The following ANK3 variants were observed in gnomAD, a reference collection of about 807,000 sequenced individuals.
ANK3 encodes ankyrin 3.
In ANK3, 57 loss-of-function variants were observed where a neutral mutation model predicts 370.9. That is an observed-to-expected ratio of 0.15 (90% CI 0.12 to 0.19). ANK3 has a LOEUF of 0.19. Among genes scored for constraint, ANK3 ranks in the 10% least tolerant of loss-of-function variants. The probability of loss-of-function intolerance (pLI) is 1.00; values close to 1 mark genes in which losing one functional copy is unlikely to be tolerated. For synonymous variants in ANK3, 1,929 were observed against 1,946.3 expected, an observed-to-expected ratio of 0.99 and a Z score of 0.23; for missense variants, 4,439 against 5,302.1, an observed-to-expected ratio of 0.84 and a Z score of 5.06.
At position 60,068,966 on chromosome 10, in the gene ANK3, G is replaced by A. The variant is rs1279219897; in HGVS notation, c.11915C>T (p.Thr3972Ile). Residue 3972 changes from threonine (T) to isoleucine (I), a missense_variant, in exon 37 of 44, where the codon ACC becomes ATC. Transcript: ENST00000280772. Reference sequence around the variant, plus strand: ...GCAGCTGGTGGTGGTGGTAGTGGTGGTAGTGGTGGTGGTGGTGGCAGTGGT... The same window carrying A: ...GCAGCTGGTGGTGGTGGTAGTGGTGATAGTGGTGGTGGTGGTGGCAGTGGT... ...TTTTATTTTT[T>I]TTTTTTSCTV... is the part of the protein sequence containing the mutation. 1 of 1,613,746 alleles carries A rather than the reference G, an allele frequency of 6.2e-7. No individual in the cohort carries two copies. Among genetic ancestry groups the A allele is most frequent in the Non-Finnish European group, 8.5e-7 (1 of 1,179,914 alleles).
At chr10:60,312,658 C>G (rs931616234) in intron 1 of ANK3, among the ~76,000 whole-genome samples, 1 of 152,192 alleles carries the variant, frequency 6.6e-6, no homozygotes, top group Non-Finnish European at 1.5e-5. Context: ...CAAAGTCACA[C>G]AGCTTGTTAA....
At chr10:60,464,747 CA>C (rs1203534210) in intron 2 of ANK3, among the ~76,000 whole-genome samples, 1 of 152,120 alleles carries the variant, frequency 6.6e-6, no homozygotes, top group African/African-American at 2.4e-5. Context: ...AATTATAACA[CA>C]AATGTCACTT....
At chr10:60,421,394 G>A (rs2063776084) in intron 2 of ANK3, among the ~76,000 whole-genome samples, 1 of 152,030 alleles carries the variant, frequency 6.6e-6, no homozygotes, top group African/African-American at 2.4e-5. Context: ...AAACGTGGGG[G>A]AGGAAAGGAA....
At chr10:60,094,181 A>AT (rs1169437967) in intron 28 of ANK3, among the ~76,000 whole-genome samples, 6,014 of 116,354 alleles carry the variant, frequency 0.052, 233 homozygotes, top group Non-Finnish European at 0.078. Context: ...ACAGTATTCT[A>AT]TTTTTTTTTT....
chr10:60,623,898 G>T (rs908043851), intron 1 of ANK3, among the ~76,000 whole-genome samples: 2 of 152,116 alleles, frequency 1.3e-5, no homozygotes, highest in East Asian at 1.9e-4. Flanking sequence ...GTGGCTACAT[G>T]GTATCAGGAG....
intron 2 of ANK3, among the ~76,000 whole-genome samples, chr10:60,563,490 A>G (rs892413369): frequency 1.3e-5 from 2 of 152,194 alleles, no homozygotes; most frequent in African/African-American, 2.4e-5. Context: ...AATATTATGA[A>G]CATCCCCAGC....
At chr10:60,451,957 C>A (rs1430675203) in intron 2 of ANK3, among the ~76,000 whole-genome samples, 1 of 152,228 alleles carries the variant, frequency 6.6e-6, no homozygotes, top group Non-Finnish European at 1.5e-5. Context: ...CTTCTAGAAA[C>A]AGAGTGGAGT....
chr10:60,493,910 T>C (rs1440569839), intron 2 of ANK3, among the ~76,000 whole-genome samples: 1 of 152,142 alleles, frequency 6.6e-6, no homozygotes, highest in Non-Finnish European at 1.5e-5. Flanking sequence ...GACACTGTGA[T>C]TGACTGCCCA....
intron 2 of ANK3, among the ~76,000 whole-genome samples, chr10:60,421,440 G>A (rs1405337018): frequency 1.3e-5 from 2 of 152,046 alleles, no homozygotes; most frequent in East Asian, 3.9e-4. Flanking sequence ...GTAAACTAGA[G>A]TGACACAATG....
intron 8 of ANK3, among the ~76,000 whole-genome samples, chr10:60,232,418 T>A (rs1231904178): frequency 6.6e-6 from 1 of 152,178 alleles, no homozygotes; most frequent in African/African-American, 2.4e-5. Context: ...TCTCTACTTT[T>A]TATTCCTTAC....
rs563946588 is a variant in ANK3, at chr10:60,036,422, A to ATTTTTTTTTTTTTTTTTT, written c.*19+6232_*19+6249dup. Among the ~76,000 whole-genome samples the ATTTTTTTTTTTTTTTTTT allele has an allele frequency of 4.8e-4, 35 of 72,292 alleles. 9 individuals are homozygous for ATTTTTTTTTTTTTTTTTT. Among genetic ancestry groups the ATTTTTTTTTTTTTTTTTT allele is most frequent in the African/African-American group, 2.3e-3 (33 of 14,242 alleles). 47.4% of individuals were successfully genotyped at this position (72,292 alleles called of 152,430 possible). On this transcript the variant is annotated intron_variant, in intron 43 of 43. Transcript: ENST00000280772. ...CTGCGGAAGAGAGAGGTCAGAGGCA[A>ATTTTTTTTTTTTTTTTTT]TTTTTTTTTTTTTTTTTTTTTTTTT...
At chr10:60,059,976 G>A (rs779325532) in intron 40 of ANK3, 44 of 1,602,170 alleles carry the variant, frequency 2.7e-5, no homozygotes, top group South Asian at 1.2e-4. Flanking sequence ...CCCTGTGGGG[G>A]TTTCCAGTTC....
intron 43 of ANK3, among the ~76,000 whole-genome samples, chr10:60,030,203 C>A (rs1210658569): frequency 6.6e-6 from 1 of 151,978 alleles, no homozygotes; most frequent in Non-Finnish European, 1.5e-5. Flanking sequence ...AGTGCAGTGG[C>A]CCGAAATTGG....
chr10:60,228,484 A>G (rs1205674916), intron 8 of ANK3, among the ~76,000 whole-genome samples: 1 of 145,172 alleles, frequency 6.9e-6, no homozygotes, highest in Non-Finnish European at 1.5e-5. Flanking sequence ...GTGAGCTGAG[A>G]TTGCGCCACT....
intron 26 of ANK3, among the ~76,000 whole-genome samples, chr10:60,110,224 G>A (rs777319876): frequency 5.3e-5 from 8 of 152,048 alleles, no homozygotes; most frequent in Non-Finnish European, 7.4e-5. Context: ...GCTGGGGACC[G>A]TCTTCTGAAG....
intron 2 of ANK3, among the ~76,000 whole-genome samples, chr10:60,452,008 G>A (rs990413927): frequency 4.6e-5 from 7 of 152,136 alleles, no homozygotes; most frequent in Non-Finnish European, 7.4e-5. Flanking sequence ...GCTCTGTCTC[G>A]CTCTATAAAC....
In ANK3 at chr10:60,028,992, A is replaced by T. The variant is rs1253033181; in HGVS notation, c.*854T>A. 1 of 152,664 alleles carries T rather than the reference A, an allele frequency of 6.6e-6. No individual in the cohort carries two copies. The highest frequency in any genetic ancestry group is 1.5e-5 in the Non-Finnish European group (1 of 68,044). 9.5% of individuals were successfully genotyped at this position (152,664 alleles called of 1,614,324 possible). A position where few individuals can be genotyped will look rare whatever the true frequency, so the allele number is the denominator to read the frequency against. On this transcript the variant is annotated 3_prime_UTR_variant, in exon 44 of 44. Transcript: ENST00000280772. ...TGTAGTGTTTGCAAAATTGGAAAAG[A>T]TTTAATCAAAATAAGGTGATACACA...
At chr10:60,339,480 C>A (rs2053767365) in intron 1 of ANK3, among the ~76,000 whole-genome samples, 1 of 152,158 alleles carries the variant, frequency 6.6e-6, no homozygotes, top group South Asian at 2.1e-4. Flanking sequence ...AAAACAAGGA[C>A]AGGCACTTCA....
rs148635129 is a variant in ANK3 at position 60,070,717 on chromosome 10, G to C, written c.10164C>G (p.Asn3388Lys). Residue 3388 changes from asparagine to lysine, a missense_variant, in exon 37 of 44, where the codon AAC becomes AAG. By Grantham distance (94) the Asn-to-Lys change is moderately conservative. Coordinates refer to ENST00000280772, the MANE Select transcript of ANK3 (RefSeq NM_020987.5). The surrounding 1 kb of genome is among the most constrained non-coding windows in gnomAD (Gnocchi z 5.7). ...TGGAACACTCTGTGATGGACTGGTC[G>C]TTGTTCCCATTCTGGGCAATTTCAT... The part of the protein sequence containing the change: ...PQNEIAQNGN[N>K]DQSITECSIA... The C allele has an allele frequency of 1.2e-6, 2 of 1,614,056 alleles. No homozygotes were observed. The highest frequency in any genetic ancestry group is 4.5e-5 in the East Asian group (2 of 44,892).
Sources: allele counts gnomAD v4.1 joint callset (sites outside exome capture counted in the v4.1 genomes callset), GRCh38; gene constraint gnomAD v4.1.1; non-coding constraint Gnocchi (gnomAD v3.1); transcripts MANE v1.5; gene names NCBI Gene and HGNC (gene_info 2026-07-23, HGNC 2026-07-21).